Variants in MYO9B observed in about 807,000 individuals in gnomAD.
MYO9B encodes the protein unconventional myosin-IXb.
Under a neutral mutation model 229.5 loss-of-function variants are expected in MYO9B, and 71 were observed. That is an observed-to-expected ratio of 0.31 (90% confidence interval 0.26 to 0.38). The LOEUF is 0.38. Among genes scored for constraint, MYO9B ranks in the 10% least tolerant of loss-of-function variants. The probability of loss-of-function intolerance (pLI) is 1.00; values close to 1 mark genes in which losing one functional copy is unlikely to be tolerated. For missense variants in MYO9B, 2,255 were observed against 2,920.5 expected (o/e 0.77, Z 5.25); for synonymous variants, 1,185 against 1,235.8 (o/e 0.96, Z 0.86).
chr19:17,210,101 A>G (rs773989671), intron 36 of MYO9B, among the ~76,000 whole-genome samples: 5 of 152,126 alleles, frequency 3.3e-5, no homozygotes, highest in Non-Finnish European at 5.9e-5. Context: ...CTGGTGGTTC[A>G]GGTCATGCGT....
At chr19:17,186,664 C>T (rs55726798) in intron 18 of MYO9B, among the ~76,000 whole-genome samples, 5,724 of 152,200 alleles carry the variant, frequency 0.038, 164 homozygotes, top group Non-Finnish European at 0.058. Context: ...TGGCAGCATC[C>T]CTGGCCTCCA....
Position 17,193,130 on chromosome 19 carries a change from G to A in MYO9B, c.3128+68G>A. 1 of 1,402,688 alleles carries A rather than the reference G, an allele frequency of 7.1e-7. No homozygotes were observed. The highest frequency in any genetic ancestry group is 1.5e-5 in the South Asian group (1 of 65,888). 86.9% of individuals were successfully genotyped at this position (1,402,688 alleles called of 1,614,324 possible). ...CAAAAAGGTCACTCACCAAATTGCT[G>A]CCCGTGATATACCATCTGGCCTGTG... On this transcript the variant is annotated intron_variant, in intron 21 of 39. Transcript: ENST00000682292. The surrounding 1 kb of genome is among the most constrained non-coding windows in gnomAD (Gnocchi z 4.3).
chr19:17,100,168 A>T lies in MYO9B; in HGVS notation c.-58-1492A>T, dbSNP rs184541724. 2.3e-4 allele frequency among the ~76,000 whole-genome samples: 34 copies of T among 150,328 alleles called. No homozygotes were observed. The Middle Eastern group carries it at 0.017, about 76-fold the overall frequency. On this transcript the variant is annotated intron_variant, in intron 1 of 39. Coordinates refer to ENST00000682292, the MANE Select transcript of MYO9B (RefSeq NM_004145.4). ...CTTCACCACTACACGATATATGTGT[A>T]TAAGAAACCTGCACTTGTAGGCCAG...
chr19:17,207,542 TATTTAAATATAAAA>T (rs2073176393), intron 35 of MYO9B: 1 of 158,556 alleles, frequency 6.3e-6, no homozygotes, highest in African/African-American at 2.4e-5. Flanking sequence ...TTCAAATTTT[TATTTAAATATAAAA>T]ATTTAAATTT....
chr19:17,096,709 T>TTG (rs2057695402), intron 1 of MYO9B, among the ~76,000 whole-genome samples: 1 of 142,872 alleles, frequency 7.0e-6, no homozygotes, highest in Non-Finnish European at 1.5e-5. Context: ...GTTGTTGGTT[T>TTG]TTTTTTTTTT....
At chr19:17,139,234 G>C (rs2072308141) in intron 2 of MYO9B, among the ~76,000 whole-genome samples, 1 of 151,986 alleles carries the variant, frequency 6.6e-6, no homozygotes, top group Non-Finnish European at 1.5e-5. Flanking sequence ...AACCTGTACA[G>C]CATGTTACTG....
At chr19:17,139,804 G>T (rs1479233488) in intron 2 of MYO9B, among the ~76,000 whole-genome samples, 1 of 152,148 alleles carries the variant, frequency 6.6e-6, no homozygotes, top group Non-Finnish European at 1.5e-5. Context: ...CACTTTGGGA[G>T]GCCAAGGCAG....
chr19:17,125,836 T>C (rs1432800596), intron 2 of MYO9B, among the ~76,000 whole-genome samples: 1 of 152,192 alleles, frequency 6.6e-6, no homozygotes, highest in African/African-American at 2.4e-5. Context: ...CGGCAGCAGC[T>C]AGGCTAGGGG....
chr19:17,104,894 A>C (rs757915477), intron 2 of MYO9B, among the ~76,000 whole-genome samples: 1 of 150,992 alleles, frequency 6.6e-6, no homozygotes, highest in African/African-American at 2.4e-5. Flanking sequence ...ACCTGACTCA[A>C]CTCTACGTTG....
intron 10 of MYO9B, among the ~76,000 whole-genome samples, chr19:17,163,588 G>A (rs937336870): frequency 2.6e-5 from 4 of 151,800 alleles, no homozygotes; most frequent in Non-Finnish European, 5.9e-5. Flanking sequence ...GGCTAGTCTC[G>A]AACTCCTGAG....
chr19:17,178,488 AAAAG>A (rs2072816351), intron 14 of MYO9B: 1 of 152,032 alleles, frequency 6.6e-6, no homozygotes, highest in African/African-American at 2.4e-5. Context: ...AAAAAAAAAA[AAAAG>A]CAGGAAAAAC....
Position 17,117,704 on chromosome 19 carries a change from G to A in MYO9B, c.840+15147G>A, listed in dbSNP as rs1034722950. On this transcript the variant is annotated intron_variant, in intron 2 of 39. Transcript: ENST00000682292. The stretch of plus-strand genomic sequence containing the variant: ...TGTAAGCCCAGCACTTTTAGAGGCC[G>A]AGGCAGGCTGATCACTTGAGGTCAG... Among the ~76,000 whole-genome samples, 9 of 152,198 alleles carry A rather than the reference G, an allele frequency of 5.9e-5. No homozygotes were observed. The South Asian group carries it at 1.2e-3, about 21-fold the overall frequency.
intron 3 of MYO9B, among the ~76,000 whole-genome samples, chr19:17,147,066 C>T (rs1375035403): frequency 6.6e-6 from 1 of 152,248 alleles, no homozygotes; most frequent in African/African-American, 2.4e-5. Context: ...AGGGGCTGCT[C>T]TGGCCCCTCG....
At chr19:17,096,586 T>C (rs2057690645) in intron 1 of MYO9B, among the ~76,000 whole-genome samples, 1 of 148,870 alleles carries the variant, frequency 6.7e-6, no homozygotes, top group Admixed American at 6.7e-5. Flanking sequence ...ATCATGCCAC[T>C]GCATTCCAGA....
Position 17,154,166 on chromosome 19 carries a change from C to T in MYO9B, c.1098+100C>T, listed in dbSNP as rs894027398. ...GTCAGAGGCAGCCTGCCCTGGCCCC[C>T]GAACCCGCTCCCAGAAGGCAGCATT... On this transcript the variant is annotated intron_variant, in intron 5 of 39. Transcript: ENST00000682292. 214 of 1,343,108 alleles carry T rather than the reference C, an allele frequency of 1.6e-4. 1 individual carries two copies. Among genetic ancestry groups the T allele is most frequent in the Middle Eastern group, 5.5e-4 (3 of 5,430 alleles). 83.2% of individuals were successfully genotyped at this position (1,343,108 alleles called of 1,614,324 possible).
chr19:17,134,827 G>A (rs1251905405), intron 2 of MYO9B, among the ~76,000 whole-genome samples: 1 of 152,048 alleles, frequency 6.6e-6, no homozygotes, highest in Non-Finnish European at 1.5e-5. Context: ...GCAGTAGCAC[G>A]ATCTCGGCTC....
At chr19:17,124,216 G>C (rs1450797856) in intron 2 of MYO9B, among the ~76,000 whole-genome samples, 2 of 152,134 alleles carry the variant, frequency 1.3e-5, no homozygotes, top group Admixed American at 1.3e-4. Flanking sequence ...ATCAGAGTCA[G>C]GTGTGGTGGT....
intron 2 of MYO9B, among the ~76,000 whole-genome samples, chr19:17,119,599 C>T (rs918352108): frequency 1.6e-4 from 25 of 152,050 alleles, no homozygotes; most frequent in African/African-American, 5.8e-4. Context: ...TTCAGGAGGC[C>T]GAGGCAGGAG....
At chr19:17,126,287 T>C (rs549382521) in intron 2 of MYO9B, among the ~76,000 whole-genome samples, 2 of 152,266 alleles carry the variant, frequency 1.3e-5, no homozygotes, top group South Asian at 4.1e-4. Context: ...TTGTCCTGGG[T>C]GCTTCCCAGG....
Sources: gnomAD v4.1 joint callset for allele counts (sites outside exome capture counted in the v4.1 genomes callset) on GRCh38, gnomAD v4.1.1 for gene constraint, Gnocchi (gnomAD v3.1) non-coding constraint, MANE v1.5 for transcripts, NCBI Gene and HGNC (gene_info 2026-07-23, HGNC 2026-07-21) for gene names.